Variants in ENTHD1 observed in about 807,000 individuals in gnomAD.
ENTHD1 encodes the protein ENTH domain containing 1, also known as ENTH domain-containing protein 1.
In ENTHD1, 23 loss-of-function variants were observed where a neutral mutation model predicts 39.1. The observed-to-expected ratio is 0.59, with a 90% CI of 0.42 to 0.83. The LOEUF (loss-of-function observed/expected upper bound fraction) is 0.83, where lower values mean the gene tolerates loss of function less well. ENTHD1 is among the 40% of genes least tolerant of loss of function. The pLI, the probability that ENTHD1 is intolerant of heterozygous loss-of-function variation, is 0.00. For synonymous variants in ENTHD1, 230 were observed against 258.2 expected (o/e 0.89, Z 1.05); for missense variants, 624 against 705.4 (o/e 0.88, Z 1.31).
At chr22:39,858,456 T>C (rs1224723955) in intron 3 of ENTHD1, among the ~76,000 whole-genome samples, 1 of 152,218 alleles carries the variant, frequency 6.6e-6, no homozygotes, top group African/African-American at 2.4e-5. Context: ...CCTGTTAATG[T>C]TGAAATTTTG....
intron 5 of ENTHD1, among the ~76,000 whole-genome samples, chr22:39,774,828 T>A (rs2146575159): frequency 6.6e-6 from 1 of 152,322 alleles, no homozygotes; most frequent in African/African-American, 2.4e-5. Context: ...GATATTTTTG[T>A]CTGAAATGTT....
chr22:39,744,234 T>C lies in ENTHD1; in HGVS notation c.1269A>G (p.Ser423=). 1 of 1,613,196 alleles carries C rather than the reference T, an allele frequency of 6.2e-7. No individual in the cohort carries two copies. Among genetic ancestry groups the C allele is most frequent in the Non-Finnish European group, 8.5e-7 (1 of 1,179,690 alleles). The change falls in exon 7 of 7, where the codon TCA becomes TCG. Residue 423 remains serine (S), a synonymous_variant. Transcript: ENST00000325157. ...TCTCTGGAGAGGCTAAATCAGGAGA[T>C]GACATGGATAAAGGAGAAAAGGAAG... The part of the protein sequence containing the change: ...GASSFSPLSM[S]SPDLASPEKS...
In ENTHD1 at chr22:39,777,263, A is replaced by G. The variant is rs375326146; in HGVS notation, c.833-11654T>C. Among the ~76,000 whole-genome samples, 6 of 152,376 alleles carry G rather than the reference A, an allele frequency of 3.9e-5. No individual in the cohort carries two copies. The South Asian group carries it at 6.2e-4, about 16-fold the overall frequency. On this transcript the variant is annotated intron_variant, in intron 5 of 6. Coordinates refer to ENST00000325157, the MANE Select transcript of ENTHD1 (RefSeq NM_152512.4). ...GGTTTAAAAGACAAGCAACCAAGTT[A>G]AAATGAATATTGAATGTGCAACTTA...
intron 5 of ENTHD1, among the ~76,000 whole-genome samples, chr22:39,802,232 C>G (rs959037816): frequency 1.3e-5 from 2 of 152,160 alleles, no homozygotes; most frequent in Admixed American, 1.3e-4. Flanking sequence ...GAAAGTATAA[C>G]AGATTTATTT....
intron 5 of ENTHD1, among the ~76,000 whole-genome samples, chr22:39,781,190 A>G (rs755090480): frequency 3.3e-5 from 5 of 152,086 alleles, no homozygotes; most frequent in Non-Finnish European, 4.4e-5. Context: ...ATTTTACCCA[A>G]CTGCTCCAGA....
chr22:39,747,572 A>G (rs112178004), intron 6 of ENTHD1, among the ~76,000 whole-genome samples: 8,962 of 152,242 alleles, frequency 0.059, 371 homozygotes, highest in South Asian at 0.13. Context: ...AAGGCAGGTA[A>G]CCAGGACAGT....
intron 2 of ENTHD1, among the ~76,000 whole-genome samples, chr22:39,882,858 C>A (rs2066349218): frequency 6.6e-6 from 1 of 151,776 alleles, no homozygotes; most frequent in Non-Finnish European, 1.5e-5. Context: ...CGAAAATTAG[C>A]AGGGCATGGT....
At chr22:39,778,596 C>A (rs1457204030) in intron 5 of ENTHD1, among the ~76,000 whole-genome samples, 1 of 152,064 alleles carries the variant, frequency 6.6e-6, no homozygotes, top group African/African-American at 2.4e-5. Context: ...AAAAAGACAC[C>A]TATTAAAACT....
chr22:39,865,266 C>A (rs1464951613), intron 2 of ENTHD1, among the ~76,000 whole-genome samples: 1 of 151,992 alleles, frequency 6.6e-6, no homozygotes, highest in Non-Finnish European at 1.5e-5. Flanking sequence ...TAGGACTCAG[C>A]AGCACCAGGA....
intron 3 of ENTHD1, among the ~76,000 whole-genome samples, chr22:39,852,552 T>C (rs1233307024): frequency 6.6e-6 from 1 of 152,232 alleles, no homozygotes; most frequent in African/African-American, 2.4e-5. Flanking sequence ...ACAAACATCA[T>C]AGAGTGTACT....
chr22:39,770,729 A>G (rs985300406), intron 5 of ENTHD1, among the ~76,000 whole-genome samples: 1 of 152,224 alleles, frequency 6.6e-6, no homozygotes, highest in African/African-American at 2.4e-5. Flanking sequence ...CAACAATTTG[A>G]ACATGTTTTA....
intron 5 of ENTHD1, among the ~76,000 whole-genome samples, chr22:39,777,074 G>C (rs908365007): frequency 1.3e-5 from 2 of 152,146 alleles, no homozygotes; most frequent in Admixed American, 1.3e-4. Flanking sequence ...GCCAAAATAT[G>C]TCTTTCTGTA....
At chr22:39,891,203 C>A (rs2066424107) in intron 1 of ENTHD1, among the ~76,000 whole-genome samples, 1 of 152,204 alleles carries the variant, frequency 6.6e-6, no homozygotes, top group Admixed American at 6.5e-5. Flanking sequence ...ACTTAGGTCT[C>A]CCCAGAACCT....
intron 6 of ENTHD1, among the ~76,000 whole-genome samples, chr22:39,748,611 G>A (rs1488010366): frequency 6.6e-6 from 1 of 151,770 alleles, no homozygotes; most frequent in African/African-American, 2.4e-5. Flanking sequence ...TTTTAGTAGA[G>A]ACGGGGTTTC....
At chr22:39,772,223 T>G (rs2065332206) in intron 5 of ENTHD1, among the ~76,000 whole-genome samples, 1 of 152,128 alleles carries the variant, frequency 6.6e-6, no homozygotes. Context: ...CGCATTGCAG[T>G]TCATAATAGG....
In ENTHD1 at chr22:39,794,996, C is replaced by T. The variant is rs76060186; in HGVS notation, c.832+25997G>A. On this transcript the variant is annotated intron_variant, in intron 5 of 6. Coordinates refer to ENST00000325157, the MANE Select transcript of ENTHD1 (RefSeq NM_152512.4). ...TGAAGCGTCATTGGATTTTATCAAA[C>T]GCTTTTTTGACATCTATTAAGATAA... Among the ~76,000 whole-genome samples, 588 of 152,042 alleles carry T rather than the reference C, an allele frequency of 3.9e-3. 6 individuals are homozygous for T. The highest frequency in any genetic ancestry group is 0.012 in the African/African-American group (518 of 41,506).
intron 2 of ENTHD1, chr22:39,875,845 G>A (rs2066284939): frequency 2.5e-6 from 4 of 1,613,836 alleles, no homozygotes; most frequent in Non-Finnish European, 3.4e-6. Flanking sequence ...AGGAAATTAA[G>A]CAGGAAGCTG....
chr22:39,887,323 C>T, intron 2 of ENTHD1, 77 bp downstream of exon 2: 1 of 1,295,548 alleles, frequency 7.7e-7, no homozygotes, highest in Non-Finnish European at 1.1e-6. Flanking sequence ...GCAGTCCTCC[C>T]ACCTCAGCCT....
intron 3 of ENTHD1, among the ~76,000 whole-genome samples, chr22:39,837,909 GAA>G (rs2065917759): frequency 6.6e-6 from 1 of 152,146 alleles, no homozygotes; most frequent in African/African-American, 2.4e-5. Context: ...ACATTTATTT[GAA>G]TAAAGTAAGA....
Sources: gnomAD v4.1 joint callset for allele counts (sites outside exome capture counted in the v4.1 genomes callset) on GRCh38, gnomAD v4.1.1 for gene constraint, MANE v1.5 for transcripts, NCBI Gene and HGNC (gene_info 2026-07-23, HGNC 2026-07-21) for gene names.